LHX8: variants seen among roughly 807,000 people sequenced by gnomAD.
LHX8 encodes LIM homeobox 8.
In LHX8, 12 loss-of-function variants were observed where a neutral mutation model predicts 40.3. The ratio of observed to expected loss-of-function variants is 0.30; its 90% CI spans 0.19 to 0.48. The LOEUF (loss-of-function observed/expected upper bound fraction) is 0.48, where lower values mean the gene tolerates loss of function less well. Among genes scored for constraint, LHX8 ranks in the 20% least tolerant of loss-of-function variants. The pLI, the probability that LHX8 is intolerant of heterozygous loss-of-function variation, is 0.99. For synonymous variants in LHX8, 179 were observed against 162.0 expected, an observed-to-expected ratio of 1.10 and a Z score of -0.80; for missense variants, 344 against 433.7, an observed-to-expected ratio of 0.79 and a Z score of 1.84.
chr1:75,143,826 G>A lies in LHX8; in HGVS notation c.581-19G>A, dbSNP rs2100341646. ...CCCATTTGAATTACCAACATATATA[G>A]TGTGTTTTTTAAATGCAGGGAATGG... On this transcript the variant is annotated intron_variant, in intron 5 of 8. Transcript: ENST00000356261. 6.4e-7 allele frequency: 1 copy of A among 1,563,340 alleles called. No homozygotes were observed. Among genetic ancestry groups the A allele is most frequent in the East Asian group, 2.2e-5 (1 of 44,566 alleles).
upstream of LHX8, chr1:75,131,152 CA>C: frequency 2.0e-5 from 6 of 300,034 alleles, no homozygotes; most frequent in Admixed American, 4.1e-5. Flanking sequence ...CGTTTTCTCT[CA>C]GGCTCCAGCT....
intron 6 of LHX8, among the ~76,000 whole-genome samples, chr1:75,146,830 G>A (rs1040733115): frequency 2.0e-5 from 3 of 152,004 alleles, no homozygotes; most frequent in Non-Finnish European, 4.4e-5. Context: ...TCTTTAATGA[G>A]AAATTACTTA....
intron 7 of LHX8, among the ~76,000 whole-genome samples, chr1:75,153,832 G>A (rs981650695): frequency 6.6e-6 from 1 of 152,088 alleles, no homozygotes; most frequent in African/African-American, 2.4e-5. Context: ...TTGGTTCATG[G>A]GAGATAGGGT....
intron 3 of LHX8, among the ~76,000 whole-genome samples, chr1:75,140,630 A>C (rs774052664): frequency 6.6e-6 from 1 of 152,034 alleles, no homozygotes; most frequent in African/African-American, 2.4e-5. Flanking sequence ...AAAATATAAC[A>C]AAAAAAACCT....
chr1:75,194,926 G>T, the LHX8 span, among the ~76,000 whole-genome samples: 1 of 152,156 alleles, frequency 6.6e-6, no homozygotes, highest in African/African-American at 2.4e-5. Flanking sequence ...CTTACAACTT[G>T]AAGGTTGTTG....
the LHX8 span, among the ~76,000 whole-genome samples, chr1:75,197,393 G>T: frequency 6.6e-6 from 1 of 151,958 alleles, no homozygotes; most frequent in Non-Finnish European, 1.5e-5. Flanking sequence ...TCTCTACTTT[G>T]CTCTTTTGAT....
the LHX8 span, among the ~76,000 whole-genome samples, chr1:75,195,318 A>G: frequency 6.6e-6 from 1 of 152,174 alleles, no homozygotes; most frequent in East Asian, 1.9e-4. Flanking sequence ...ATTATACAAC[A>G]TGCCCATGCG....
rs1288403904 is a variant in LHX8, at chr1:75,160,837, T to C, written c.983T>C (p.Leu328Pro). Reference protein sequence around the residue: ...SYMDAHSPTTLGLQPLLPHSM... With the variant: ...SYMDAHSPTTPGLQPLLPHSM... ...TTTGTAGCTCATTCACCAACAACTC[T>C]TGGACTCCAGCCCTTGTTACCCCAT... is the stretch of plus-strand genomic sequence containing the variant. Residue 328 changes from leucine to proline, a missense_variant, in exon 9 of 9, where the codon CTT becomes CCT. This residue lies in a region of LHX8 where 89 missense variants were observed against 92.8 expected (regional missense o/e 0.96). Transcript: ENST00000356261. The C allele has an allele frequency of 6.2e-7, 1 of 1,613,034 alleles. No homozygotes were observed. The highest frequency in any genetic ancestry group is 8.5e-7 in the Non-Finnish European group (1 of 1,179,070).
chr1:75,158,753 G>C (rs1226234943), intron 8 of LHX8, among the ~76,000 whole-genome samples: 2 of 152,024 alleles, frequency 1.3e-5, no homozygotes, highest in African/African-American at 4.8e-5. Flanking sequence ...ATCATGGTAG[G>C]TCTATAATTT....
At position 75,143,132 on chromosome 1, in the gene LHX8, G is replaced by A. The variant is rs367958622; in HGVS notation, c.374G>A (p.Arg125His). 52 of 1,613,290 alleles carry A rather than the reference G, an allele frequency of 3.2e-5. No homozygotes were observed. The highest frequency in any genetic ancestry group is 4.5e-5 in the East Asian group (2 of 44,888). Residue 125 changes from arginine to histidine, a missense_variant, in exon 5 of 9, where the codon CGC (arginine) becomes CAC (histidine). By Grantham distance (29) the Arg-to-His change is conservative. Transcript: ENST00000356261. Reference sequence around the variant, plus strand: ...ATTTAATGTAGAAGGTATGGAACTCGCTGCTCTCGATGTGGGAGACACATC... The same window carrying A: ...ATTTAATGTAGAAGGTATGGAACTCACTGCTCTCGATGTGGGAGACACATC... Reference protein sequence around the residue: ...KLDYFRRYGTRCSRCGRHIHS... With the variant: ...KLDYFRRYGTHCSRCGRHIHS...
chr1:75,188,114 A>G, the LHX8 span, among the ~76,000 whole-genome samples: 1 of 152,136 alleles, frequency 6.6e-6, no homozygotes, highest in African/African-American at 2.4e-5. Flanking sequence ...AAAGAAATAG[A>G]GAAATCTCAT....
At chr1:75,198,334 T>A in the LHX8 span, among the ~76,000 whole-genome samples, 1 of 152,014 alleles carries the variant, frequency 6.6e-6, no homozygotes, top group Non-Finnish European at 1.5e-5. Flanking sequence ...TCCACTAGGG[T>A]AGGAAGGGAG....
chr1:75,193,657 C>G, the LHX8 span, among the ~76,000 whole-genome samples: 1 of 152,184 alleles, frequency 6.6e-6, no homozygotes, highest in Admixed American at 6.5e-5. Flanking sequence ...AAAATCTCTT[C>G]ACAATATAAC....
chr1:75,189,214 A>G, the LHX8 span, among the ~76,000 whole-genome samples: 7 of 152,354 alleles, frequency 4.6e-5, no homozygotes, highest in Non-Finnish European at 8.8e-5. Flanking sequence ...TTATCAAAAC[A>G]TAAGCAGGCT....
chr1:75,130,733 G>T, upstream of LHX8: 4 of 1,614,104 alleles, frequency 2.5e-6, no homozygotes, highest in Non-Finnish European at 3.4e-6. Flanking sequence ...TCTGAGCAGG[G>T]TAAGTTTGTG....
upstream of LHX8, chr1:75,132,557 T>G (rs1648000974): frequency 1.3e-5 from 2 of 152,170 alleles, no homozygotes; most frequent in South Asian, 4.1e-4. Context: ...TAGACGCTCT[T>G]AGATCAAGGT....
At chr1:75,179,779 T>C in the LHX8 span, among the ~76,000 whole-genome samples, 1 of 152,200 alleles carries the variant, frequency 6.6e-6, no homozygotes, top group African/African-American at 2.4e-5. Flanking sequence ...AGTTTCTTCC[T>C]AGCAGCGATG....
chr1:75,144,225 A>C (rs537109472), intron 6 of LHX8, among the ~76,000 whole-genome samples: 2 of 152,230 alleles, frequency 1.3e-5, no homozygotes, highest in African/African-American at 4.8e-5. Context: ...TTTTGTCCTG[A>C]CTTCCTGATT....
At chr1:75,142,997 A>G in intron 4 of LHX8, 121 bp from the exon 5 acceptor site, 1 of 769,940 alleles carries the variant, frequency 1.3e-6, no homozygotes, top group South Asian at 1.5e-5. Context: ...TTTCATTCTC[A>G]CAATATTTAA....
Sources: gnomAD v4.1 joint callset for allele counts (sites outside exome capture counted in the v4.1 genomes callset) on GRCh38, gnomAD v4.1.1 for gene constraint, gnomAD v4.1.1 regional missense constraint, MANE v1.5 for transcripts, NCBI Gene and HGNC (gene_info 2026-07-23, HGNC 2026-07-21) for gene names.